SCN8A: variants seen among roughly 807,000 people sequenced by gnomAD.
SCN8A encodes sodium voltage-gated channel alpha subunit 8, also known as sodium channel protein type 8 subunit alpha.
Under a neutral mutation model 184.1 loss-of-function variants are expected in SCN8A, and 30 were observed. That is an observed-to-expected ratio of 0.16 (90% confidence interval 0.12 to 0.22). The LOEUF is 0.22. SCN8A is among the 10% of genes least tolerant of loss of function. The probability of loss-of-function intolerance (pLI) is 1.00; values close to 1 mark genes in which losing one functional copy is unlikely to be tolerated. For synonymous variants in SCN8A, 852 were observed against 907.0 expected (o/e 0.94, Z 1.09); for missense variants, 1,057 against 2,498.9 (o/e 0.42, Z 12.30).
intron 12 of SCN8A, among the ~76,000 whole-genome samples, chr12:51,741,201 A>AT (rs1190039457): frequency 6.6e-6 from 1 of 152,124 alleles, no homozygotes; most frequent in Non-Finnish European, 1.5e-5. Flanking sequence ...CCCCTTTATC[A>AT]TTATGTACTA....
chr12:51,651,321 AG>A (rs1016784016), intron 1 of SCN8A, among the ~76,000 whole-genome samples: 7 of 152,180 alleles, frequency 4.6e-5, no homozygotes, highest in African/African-American at 1.7e-4. Context: ...CTCCTGCCTC[AG>A]CTTCCTGAGT....
At chr12:51,703,126 C>A (rs1254634547) in intron 9 of SCN8A, among the ~76,000 whole-genome samples, 1 of 152,252 alleles carries the variant, frequency 6.6e-6, no homozygotes, top group African/African-American at 2.4e-5. Flanking sequence ...TAGACTCTTA[C>A]AGCCTTGACG....
chr12:51,691,082 C>T (rs10876203), intron 6 of SCN8A, among the ~76,000 whole-genome samples: 123,216 of 152,062 alleles, frequency 0.81, 50,838 homozygotes, highest in East Asian at 0.97. Context: ...TTTTTTGAGG[C>T]ATCTGGAATG....
At chr12:51,601,537 T>C (rs1939463743) in intron 1 of SCN8A, among the ~76,000 whole-genome samples, 1 of 152,092 alleles carries the variant, frequency 6.6e-6, no homozygotes, top group South Asian at 2.1e-4. Context: ...CTTCTGGCAT[T>C]AGAAATTGCT....
chr12:51,784,642 A>G (rs1938032772), intron 21 of SCN8A, among the ~76,000 whole-genome samples: 1 of 151,714 alleles, frequency 6.6e-6, no homozygotes, highest in Non-Finnish European at 1.5e-5. Context: ...ATAGGATTTT[A>G]TATCATATCA....
intron 12 of SCN8A, among the ~76,000 whole-genome samples, chr12:51,727,020 A>T (rs1353384456): frequency 6.6e-6 from 1 of 152,262 alleles, no homozygotes; most frequent in African/African-American, 2.4e-5. Flanking sequence ...ATGTATTTCC[A>T]TGTGAAAACA....
intron 26 of SCN8A, among the ~76,000 whole-genome samples, chr12:51,804,772 G>C (rs1415371313): frequency 6.6e-6 from 1 of 152,208 alleles, no homozygotes; most frequent in Non-Finnish European, 1.5e-5. Flanking sequence ...ATTGCGCCCA[G>C]CCTGATACTG....
intron 1 of SCN8A, among the ~76,000 whole-genome samples, chr12:51,639,768 C>T (rs1940402247): frequency 6.7e-6 from 1 of 149,352 alleles, no homozygotes; most frequent in African/African-American, 2.5e-5. Context: ...TAGCGATCAA[C>T]ATTAAGGCTA....
chr12:51,745,507 T>C (rs916082217), intron 12 of SCN8A, among the ~76,000 whole-genome samples: 6 of 152,212 alleles, frequency 3.9e-5, no homozygotes, highest in Non-Finnish European at 7.3e-5. Flanking sequence ...TAAATTTGAC[T>C]TACTTCGTCA....
At chr12:51,761,568 C>A (rs1001380957) in intron 14 of SCN8A, among the ~76,000 whole-genome samples, 2 of 151,846 alleles carry the variant, frequency 1.3e-5, no homozygotes, top group African/African-American at 4.8e-5. Flanking sequence ...TGGCTCACTG[C>A]AACCTCTGCC....
chr12:51,770,454 T>A, intron 18 of SCN8A, 75 bp from the exon 19 acceptor site: 1 of 1,459,136 alleles, frequency 6.9e-7, no homozygotes, highest in Non-Finnish European at 9.2e-7. Flanking sequence ...TGGCAGGGCC[T>A]GGGAGATGGA....
At chr12:51,713,337 A>G in intron 11 of SCN8A, 4 of 1,065,730 alleles carry the variant, frequency 3.8e-6, no homozygotes, top group Non-Finnish European at 5.8e-6. Flanking sequence ...ACATTGCTGC[A>G]TCCACCTCTT....
At chr12:51,744,892 A>C (rs1158180823) in intron 12 of SCN8A, among the ~76,000 whole-genome samples, 1 of 152,068 alleles carries the variant, frequency 6.6e-6, no homozygotes, top group African/African-American at 2.4e-5. Context: ...GATCAGACAT[A>C]TGCTTCTCCA....
intron 1 of SCN8A, among the ~76,000 whole-genome samples, chr12:51,616,057 A>G (rs929086057): frequency 2.0e-5 from 3 of 152,128 alleles, no homozygotes; most frequent in African/African-American, 7.2e-5. Flanking sequence ...TAAAGACCCT[A>G]AAAGGAGTAA....
intron 19 of SCN8A, 88 bp from the exon 20 acceptor site, chr12:51,774,101 T>G: frequency 2.5e-6 from 3 of 1,193,202 alleles, no homozygotes; most frequent in Admixed American, 2.1e-5. Flanking sequence ...GGCCAGCCCA[T>G]GTGGGACGGC....
chr12:51,593,569 C>G (rs756579562), intron 1 of SCN8A, among the ~76,000 whole-genome samples: 7 of 152,164 alleles, frequency 4.6e-5, no homozygotes, highest in Non-Finnish European at 8.8e-5. Flanking sequence ...TTCTCCTGGT[C>G]CAGCTTTGGG....
At chr12:51,662,075 C>T (rs997039450) in intron 1 of SCN8A, among the ~76,000 whole-genome samples, 1 of 152,200 alleles carries the variant, frequency 6.6e-6, no homozygotes, top group Non-Finnish European at 1.5e-5. Context: ...TAGGATTCCA[C>T]TCCCATTTGC....
intron 12 of SCN8A, among the ~76,000 whole-genome samples, chr12:51,728,225 A>G (rs1474474599): frequency 1.3e-5 from 2 of 152,162 alleles, no homozygotes; most frequent in East Asian, 1.9e-4. Context: ...GAATCAGCCT[A>G]TTTTGATGAA....
In SCN8A at chr12:51,807,197, G is replaced by A. The variant is rs142069713; in HGVS notation, c.5711G>A (p.Arg1904His). 8 of 1,613,958 alleles carry A rather than the reference G, an allele frequency of 5.0e-6. No homozygotes were observed. Among genetic ancestry groups the A allele is most frequent in the East Asian group, 2.2e-5 (1 of 44,868 alleles). Residue 1904 changes from arginine (R) to histidine (H), a missense_variant, in exon 27 of 27, where the codon CGT (arginine) becomes CAT (histidine). Arg to His is a conservative substitution (Grantham distance 29). Coordinates refer to ENST00000627620, the MANE Select transcript of SCN8A (RefSeq NM_001330260.2). This position sits in a 1 kb window ranked among gnomAD's most constrained non-coding sequence, Gnocchi z 4.5. ...GAGGTATCTGCAGTGGTCCTGCAGC[G>A]TGCCTACCGGGGACATTTGGCAAGG... ...QEEVSAVVLQ[R>H]AYRGHLARRG... is the part of the protein sequence containing the mutation.
Sources: allele counts gnomAD v4.1 joint callset (sites outside exome capture counted in the v4.1 genomes callset), GRCh38; gene constraint gnomAD v4.1.1; non-coding constraint Gnocchi (gnomAD v3.1); transcripts MANE v1.5; gene names NCBI Gene and HGNC (gene_info 2026-07-23, HGNC 2026-07-21).